USP30: variants seen among roughly 807,000 people sequenced by gnomAD.
USP30 encodes the protein ubiquitin carboxyl-terminal hydrolase 30.
Under a neutral mutation model 68.2 loss-of-function variants are expected in USP30, and 41 were observed. That is an observed-to-expected ratio of 0.60 (90% confidence interval 0.47 to 0.78). The LOEUF is 0.78. USP30 is among the 30% of genes least tolerant of loss of function. The pLI is 0.00. For missense variants in USP30, 522 were observed against 649.4 expected, an observed-to-expected ratio of 0.80 and a Z score of 2.13; for synonymous variants, 229 against 253.7, an observed-to-expected ratio of 0.90 and a Z score of 0.93.
At chr12:109,055,401 T>TATATACATATATATATATACA (rs61062424) in intron 1 of USP30, among the ~76,000 whole-genome samples, 2 of 29,638 alleles carry the variant, frequency 6.7e-5, no homozygotes, top group Admixed American at 5.0e-4. Flanking sequence ...TATATATATA[T>TATATACATATATATATATACA]TTTTTTTTTT....
At chr12:109,042,046 G>A (rs1258199638) in intron 3 of USP30, among the ~76,000 whole-genome samples, 1 of 151,494 alleles carries the variant, frequency 6.6e-6, no homozygotes, top group African/African-American at 2.4e-5. Flanking sequence ...TTTTACCACA[G>A]AGAGATAACC....
chr12:109,023,554 C>CAATAAATA (rs61588766), intron 1 of USP30, among the ~76,000 whole-genome samples: 7 of 146,454 alleles, frequency 4.8e-5, no homozygotes, highest in East Asian at 2.1e-4. Flanking sequence ...AACTCTGTCT[C>CAATAAATA]AATAAATAAA....
chr12:109,084,841 G>T, intron 11 of USP30, 112 bp from the exon 12 acceptor site: 1 of 1,239,984 alleles, frequency 8.1e-7, no homozygotes, highest in Non-Finnish European at 1.1e-6. Context: ...AAATGAAATA[G>T]ATTTTTTTCT....
At chr12:109,053,965 T>C (rs1185606284) in intron 1 of USP30, 5 of 455,752 alleles carry the variant, frequency 1.1e-5, no homozygotes, top group African/African-American at 8.0e-5. Context: ...TGTGACCAAG[T>C]TGGGCTCTTA....
intron 3 of USP30, among the ~76,000 whole-genome samples, chr12:109,044,923 G>GAAAAAAAAAAA (rs551280755): frequency 6.7e-6 from 1 of 149,914 alleles, no homozygotes. Context: ...TCTGATGGGG[G>GAAAAAAAAAAA]AAAAAATGTT....
At chr12:109,037,672 CAGAT>C (rs2040531438) in intron 3 of USP30, among the ~76,000 whole-genome samples, 1 of 152,134 alleles carries the variant, frequency 6.6e-6, no homozygotes, top group Non-Finnish European at 1.5e-5. Context: ...ACTGAAAACT[CAGAT>C]AGCTTAGTGG....
intron 3 of USP30, among the ~76,000 whole-genome samples, chr12:109,034,584 GAA>G (rs2135663742): frequency 6.6e-6 from 1 of 152,224 alleles, no homozygotes; most frequent in East Asian, 1.9e-4. Context: ...AAGAAAGAGA[GAA>G]AATGCATTCT....
At chr12:109,038,083 A>G (rs971497542) in intron 3 of USP30, among the ~76,000 whole-genome samples, 1 of 151,966 alleles carries the variant, frequency 6.6e-6, no homozygotes, top group African/African-American at 2.4e-5. Flanking sequence ...TAAGTGTGCC[A>G]TGGTGGTTTG....
At chr12:109,079,339 C>CTTTTTTTTTTTTTTTTTTTTTTTTTT (rs750712233) in intron 7 of USP30, among the ~76,000 whole-genome samples, 17 of 62,250 alleles carry the variant, frequency 2.7e-4, no homozygotes, top group South Asian at 6.2e-4. Flanking sequence ...TTTTCTTTTT[C>CTTTTTTTTTTTTTTTTTTTTTTTTTT]TTTTTTTTTT....
intron 1 of USP30, among the ~76,000 whole-genome samples, chr12:109,056,109 G>A: frequency 6.6e-6 from 1 of 152,220 alleles, no homozygotes; most frequent in Non-Finnish European, 1.5e-5. Flanking sequence ...GGCAGAAAAG[G>A]AAAATAACTT....
At chr12:109,040,136 A>T (rs1178237209) in intron 3 of USP30, among the ~76,000 whole-genome samples, 1 of 152,176 alleles carries the variant, frequency 6.6e-6, no homozygotes, top group African/African-American at 2.4e-5. Flanking sequence ...CCACAGGTTG[A>T]TGAATAAAAT....
At chr12:109,052,541 T>G (rs2040692229), upstream of USP30, 1 of 794,404 alleles carries the variant, frequency 1.3e-6, no homozygotes, top group Non-Finnish European at 1.8e-6. Context: ...CTGGGAGCTG[T>G]CCTGCGGTCT....
At chr12:109,068,063 T>C (rs1255245321) in intron 4 of USP30, among the ~76,000 whole-genome samples, 1 of 152,160 alleles carries the variant, frequency 6.6e-6, no homozygotes, top group African/African-American at 2.4e-5. Flanking sequence ...CTCAAGCAGA[T>C]GTCATATGCA....
rs1166951939 is a variant in USP30 at position 109,067,874 on chromosome 12, A to G, written c.480+247A>G. On this transcript the variant is annotated intron_variant, in intron 4 of 12. Transcript: ENST00000257548. ...AAACACACAGTTGCCAAAGAGCAAA[A>G]TCTTTTTAGTTCTTGAGTGACTTGG... is the stretch of plus-strand genomic sequence containing the variant. Among the ~76,000 whole-genome samples, 8 of 152,264 alleles carry G rather than the reference A, an allele frequency of 5.3e-5. No individual in the cohort carries two copies. The South Asian group carries it at 1.2e-3, about 24-fold the overall frequency.
chr12:109,068,218 C>G (rs1283782129), intron 4 of USP30, among the ~76,000 whole-genome samples: 1 of 152,198 alleles, frequency 6.6e-6, no homozygotes, highest in Admixed American at 6.5e-5. Context: ...GAATGAAGTT[C>G]TAGAGATGAA....
Position 109,083,000 on chromosome 12 carries a change from A to G in USP30, c.1106A>G (p.Lys369Arg). 1 of 1,614,120 alleles carries G rather than the reference A, an allele frequency of 6.2e-7. No homozygotes were observed. Among genetic ancestry groups the G allele is most frequent in the African/African-American group, 1.3e-5 (1 of 75,042 alleles). Residue 369 changes from lysine (K) to arginine (R), a missense_variant, in exon 11 of 13, where the codon AAA becomes AGA. Lys to Arg is a conservative substitution (Grantham distance 26, BLOSUM62 2). Transcript: ENST00000257548. ...LGHKPSQHNPKLNKNPGPTLE... is the reference protein window; with the variant it reads ...LGHKPSQHNPRLNKNPGPTLE... ...CATAAACCTAGTCAACACAACCCTA[A>G]ACTGAACAAGAACCCAGGGCCTACA...
intron 5 of USP30, among the ~76,000 whole-genome samples, 172 bp from the exon 6 acceptor site, chr12:109,072,133 A>G (rs958153581): frequency 1.3e-5 from 2 of 152,214 alleles, no homozygotes; most frequent in Non-Finnish European, 2.9e-5. Flanking sequence ...TATTCATAGT[A>G]TCCAGCCAGA....
intron 7 of USP30, among the ~76,000 whole-genome samples, chr12:109,079,597 C>T (rs2041737544): frequency 6.6e-6 from 1 of 151,840 alleles, no homozygotes. Flanking sequence ...AACTCCTGGG[C>T]TCAAGTGATC....
chr12:109,082,042 C>T (rs1435767848), intron 9 of USP30, 23 bp downstream of exon 9: 1 of 1,612,862 alleles, frequency 6.2e-7, no homozygotes, highest in East Asian at 2.2e-5. Context: ...CCCCAAATGT[C>T]ATCGCCAGCT....
Sources: gnomAD v4.1 joint callset for allele counts (sites outside exome capture counted in the v4.1 genomes callset) on GRCh38, gnomAD v4.1.1 for gene constraint, MANE v1.5 for transcripts, NCBI Gene and HGNC (gene_info 2026-07-23, HGNC 2026-07-21) for gene names.